CPQ: variants seen among roughly 807,000 people sequenced by gnomAD.
CPQ encodes Ser-Met dipeptidase.
Under a neutral mutation model 45.7 loss-of-function variants are expected in CPQ, and 37 were observed. The observed-to-expected ratio is 0.81, with a 90% CI of 0.62 to 1.07. CPQ has a LOEUF of 1.07. CPQ is among the 50% of genes least tolerant of loss of function. The pLI is 0.00. For missense variants in CPQ, 537 were observed against 572.9 expected (o/e 0.94, Z 0.64); for synonymous variants, 186 against 205.8 (o/e 0.90, Z 0.82).
intron 4 of CPQ, among the ~76,000 whole-genome samples, chr8:96,964,914 C>A (rs1211824725): frequency 6.6e-6 from 1 of 152,020 alleles, no homozygotes; most frequent in Admixed American, 6.5e-5. Context: ...CTATATACCC[C>A]AGCATCACTT....
At chr8:97,019,891 A>G (rs1305125503) in intron 5 of CPQ, among the ~76,000 whole-genome samples, 2 of 152,174 alleles carry the variant, frequency 1.3e-5, no homozygotes, top group African/African-American at 4.8e-5. Context: ...AGATATTTAC[A>G]GAACATTCTA....
At chr8:96,686,151 A>T (rs950412715) in intron 1 of CPQ, among the ~76,000 whole-genome samples, 4 of 152,076 alleles carry the variant, frequency 2.6e-5, no homozygotes, top group African/African-American at 9.6e-5. Flanking sequence ...TAGTTTCCAA[A>T]TAATGATATT....
intron 5 of CPQ, among the ~76,000 whole-genome samples, chr8:96,976,638 G>T (rs528434300): frequency 6.6e-6 from 1 of 152,160 alleles, no homozygotes; most frequent in South Asian, 2.1e-4. Context: ...CATGGTACTG[G>T]TATAAAAATA....
chr8:96,845,457 C>T (rs954809612), intron 3 of CPQ, among the ~76,000 whole-genome samples: 5 of 152,136 alleles, frequency 3.3e-5, no homozygotes, highest in African/African-American at 1.2e-4. Context: ...TAAACAGATA[C>T]ATACTGTATT....
At chr8:96,878,840 T>C (rs1402129436) in intron 3 of CPQ, among the ~76,000 whole-genome samples, 1 of 152,114 alleles carries the variant, frequency 6.6e-6, no homozygotes, top group Non-Finnish European at 1.5e-5. Context: ...TATAGAAATA[T>C]GAAAAGAAAA....
chr8:97,100,524 T>A (rs1811285400), intron 7 of CPQ, among the ~76,000 whole-genome samples: 1 of 152,178 alleles, frequency 6.6e-6, no homozygotes, highest in Non-Finnish European at 1.5e-5. Context: ...GGGATAGGGA[T>A]AAGGACTTAG....
In CPQ at chr8:96,946,455, A is replaced by ATT. The variant is rs145961253; in HGVS notation, c.850-19474_850-19473dup. Among the ~76,000 whole-genome samples the ATT allele has an allele frequency of 3.4e-3, 510 of 151,702 alleles. 3 individuals carry two copies. The highest frequency in any genetic ancestry group is 0.011 in the African/African-American group (465 of 41,330). ...TGTTTACTTATTTCTTTAATTTTCT[A>ATT]TTTTTTTATTATACTTTAAGTTTTA... On this transcript the variant is annotated intron_variant, in intron 4 of 7. Transcript: ENST00000220763.
chr8:97,030,101 A>C (rs1228323714), intron 6 of CPQ, among the ~76,000 whole-genome samples: 1 of 152,246 alleles, frequency 6.6e-6, no homozygotes, highest in Admixed American at 6.5e-5. Flanking sequence ...TAGGGAGATT[A>C]ATATCAAGAG....
At chr8:97,009,395 G>A (rs935300147) in intron 5 of CPQ, among the ~76,000 whole-genome samples, 3 of 152,092 alleles carry the variant, frequency 2.0e-5, no homozygotes, top group Non-Finnish European at 4.4e-5. Flanking sequence ...TGTCCTTATT[G>A]TAGAAGGTAG....
chr8:96,977,983 A>C (rs2853269), intron 5 of CPQ, among the ~76,000 whole-genome samples: 1 of 151,814 alleles, frequency 6.6e-6, no homozygotes, highest in Non-Finnish European at 1.5e-5. Context: ...ATAAAAAAAA[A>C]TTTTTTAAAA....
At chr8:96,848,071 C>A (rs1193012347) in intron 3 of CPQ, among the ~76,000 whole-genome samples, 3 of 152,204 alleles carry the variant, frequency 2.0e-5, no homozygotes, top group South Asian at 2.1e-4. Flanking sequence ...GGTAACTAGC[C>A]TCTGCCTGGG....
At chr8:96,832,508 G>T (rs1811472266) in intron 2 of CPQ, among the ~76,000 whole-genome samples, 1 of 152,168 alleles carries the variant, frequency 6.6e-6, no homozygotes, top group Non-Finnish European at 1.5e-5. Flanking sequence ...AATGAACATG[G>T]ACCCAAATGG....
At chr8:96,984,946 C>G (rs1208747673) in intron 5 of CPQ, among the ~76,000 whole-genome samples, 1 of 152,180 alleles carries the variant, frequency 6.6e-6, no homozygotes, top group African/African-American at 2.4e-5. Flanking sequence ...CAGTTACCTT[C>G]TTCCTGAAGT....
chr8:96,803,529 TAGAG>T (rs1019523558), intron 2 of CPQ, among the ~76,000 whole-genome samples: 43 of 152,248 alleles, frequency 2.8e-4, no homozygotes, highest in African/African-American at 9.1e-4. Context: ...ATAATGGTAT[TAGAG>T]AGAAAAAGAA....
chr8:96,658,543 G>A (rs1815663184), intron 1 of CPQ, among the ~76,000 whole-genome samples: 1 of 152,204 alleles, frequency 6.6e-6, no homozygotes. Context: ...GTGCATGTTA[G>A]ATTACATTGC....
intron 7 of CPQ, among the ~76,000 whole-genome samples, chr8:97,110,260 G>A (rs1811478069): frequency 6.6e-6 from 1 of 152,124 alleles, no homozygotes; most frequent in Non-Finnish European, 1.5e-5. Flanking sequence ...ACTGCATACT[G>A]TTTCTGAGAT....
At chr8:96,656,172 G>T (rs1815635389) in intron 1 of CPQ, among the ~76,000 whole-genome samples, 2 of 152,188 alleles carry the variant, frequency 1.3e-5, no homozygotes, top group African/African-American at 2.4e-5. Context: ...TTGCTCTTCT[G>T]GTCTTTACAG....
chr8:97,012,511 C>G (rs1197723818), intron 5 of CPQ, among the ~76,000 whole-genome samples: 2 of 152,172 alleles, frequency 1.3e-5, no homozygotes, highest in Non-Finnish European at 2.9e-5. Flanking sequence ...TTCCTTCCCA[C>G]ACTCAGCACA....
intron 5 of CPQ, among the ~76,000 whole-genome samples, chr8:97,023,275 G>A (rs1185651869): frequency 6.6e-6 from 1 of 151,878 alleles, no homozygotes; most frequent in Non-Finnish European, 1.5e-5. Flanking sequence ...GCCAAGCTAT[G>A]AGGATGCAAA....
Sources: allele counts gnomAD v4.1 joint callset (sites outside exome capture counted in the v4.1 genomes callset), GRCh38; gene constraint gnomAD v4.1.1; transcripts MANE v1.5; gene names NCBI Gene and HGNC (gene_info 2026-07-23, HGNC 2026-07-21).